AIG1: variants seen among roughly 807,000 people sequenced by gnomAD.
The protein encoded by AIG1 is androgen-induced gene 1 protein.
Under a neutral mutation model 31.4 loss-of-function variants are expected in AIG1, and 23 were observed. The observed-to-expected ratio is 0.73, with a 90% CI of 0.53 to 1.04. The LOEUF (loss-of-function observed/expected upper bound fraction) is 1.04. Ranked by LOEUF, AIG1 falls within the 50% of genes least tolerant of loss-of-function variation. The pLI, the probability that AIG1 is intolerant of heterozygous loss-of-function variation, is 0.00. For synonymous variants in AIG1, 100 were observed against 110.5 expected, an observed-to-expected ratio of 0.90 and a Z score of 0.60; for missense variants, 274 against 295.0, an observed-to-expected ratio of 0.93 and a Z score of 0.52.
At chr6:143,323,023 G>A (rs1776341768) in intron 4 of AIG1, among the ~76,000 whole-genome samples, 1 of 152,062 alleles carries the variant, frequency 6.6e-6, no homozygotes, top group African/African-American at 2.4e-5. Flanking sequence ...CTCTAAGGTA[G>A]GCTGTATGGT....
chr6:143,343,435 C>T (rs958767257), downstream of AIG1: 5 of 477,682 alleles, frequency 1.0e-5, no homozygotes, highest in Non-Finnish European at 1.7e-5. Context: ...CGGAGAGCCC[C>T]AGGAGACATC....
intron 1 of AIG1, among the ~76,000 whole-genome samples, chr6:143,076,964 C>T (rs1341463987): frequency 6.6e-6 from 1 of 152,160 alleles, no homozygotes; most frequent in Non-Finnish European, 1.5e-5. Context: ...AGCGACCGTG[C>T]CCGGCCTTGA....
rs1437626814 is a variant in AIG1 at position 143,293,411 on chromosome 6, T to C, written c.515+9186T>C. On this transcript the variant is annotated intron_variant, in intron 4 of 5. Coordinates refer to ENST00000357847, the MANE Select transcript of AIG1 (RefSeq NM_016108.4). The surrounding 1 kb of genome is among the most constrained non-coding windows in gnomAD (Gnocchi z 4.8). ...ATTCGAGAATGTCATTGCTTTCCCATTATTCCAATCTGCGTATTTTTACAA... is the reference window on the plus strand; with the variant it reads ...ATTCGAGAATGTCATTGCTTTCCCACTATTCCAATCTGCGTATTTTTACAA... 2.0e-5 allele frequency among the ~76,000 whole-genome samples: 3 copies of C among 152,200 alleles called. No homozygotes were observed. Among genetic ancestry groups the C allele is most frequent in the African/African-American group, 7.2e-5 (3 of 41,446 alleles).
intron 1 of AIG1, among the ~76,000 whole-genome samples, chr6:143,116,747 G>A (rs1252585608): frequency 6.6e-6 from 1 of 150,864 alleles, no homozygotes; most frequent in Admixed American, 6.6e-5. Context: ...GTGGTGGGAT[G>A]GACAGGAGAA....
intron 3 of AIG1, chr6:143,187,884 T>C (rs1237423670): frequency 1.4e-6 from 2 of 1,388,476 alleles, no homozygotes; most frequent in African/African-American, 1.5e-5. Context: ...TTGTCAAAAA[T>C]TACCCCTTAA....
At chr6:143,220,315 G>A (rs1414807021) in intron 3 of AIG1, among the ~76,000 whole-genome samples, 5 of 152,084 alleles carry the variant, frequency 3.3e-5, no homozygotes. Context: ...TTATATTTAT[G>A]TTTACTTGAA....
At chr6:143,108,300 G>A (rs1780976275) in intron 1 of AIG1, among the ~76,000 whole-genome samples, 1 of 152,038 alleles carries the variant, frequency 6.6e-6, no homozygotes, top group Admixed American at 6.6e-5. Context: ...TTTCTTACTT[G>A]CAACATAGCA....
intron 3 of AIG1, among the ~76,000 whole-genome samples, chr6:143,213,207 A>G (rs931104205): frequency 6.6e-6 from 1 of 152,208 alleles, no homozygotes. Flanking sequence ...GTGTTTAGTT[A>G]CATTGTTGCT....
chr6:143,253,440 G>C (rs1795154308), intron 3 of AIG1, among the ~76,000 whole-genome samples: 1 of 152,094 alleles, frequency 6.6e-6, no homozygotes, highest in Non-Finnish European at 1.5e-5. Context: ...GTGAAAAATG[G>C]TTTCCAAATT....
downstream of AIG1, chr6:143,342,635 A>G: frequency 8.7e-7 from 1 of 1,147,626 alleles, no homozygotes; most frequent in Non-Finnish European, 1.3e-6. Flanking sequence ...AGGGGTCCAG[A>G]GTTATTTTGA....
At chr6:143,171,513 A>T (rs1473902500) in intron 3 of AIG1, among the ~76,000 whole-genome samples, 1 of 128,760 alleles carries the variant, frequency 7.8e-6, no homozygotes, top group Non-Finnish European at 1.6e-5. Flanking sequence ...TTTAATATAT[A>T]TAATATATAT....
At chr6:143,139,260 AG>A (rs1784044108) in intron 2 of AIG1, among the ~76,000 whole-genome samples, 1 of 152,120 alleles carries the variant, frequency 6.6e-6, no homozygotes, top group Non-Finnish European at 1.5e-5. Flanking sequence ...CCTATGTTTT[AG>A]AAAAAAGAGG....
intron 4 of AIG1, among the ~76,000 whole-genome samples, chr6:143,301,869 G>A (rs775636726): frequency 6.6e-6 from 1 of 152,170 alleles, no homozygotes; most frequent in Non-Finnish European, 1.5e-5. Flanking sequence ...TATTGATAGT[G>A]CTAGTAGAGT....
intron 4 of AIG1, among the ~76,000 whole-genome samples, chr6:143,314,184 TAAAAAAAAAA>T (rs35691634): frequency 5.5e-5 from 5 of 90,614 alleles, no homozygotes; most frequent in African/African-American, 2.5e-4. Context: ...ACCCATCTCT[TAAAAAAAAAA>T]AAAAAAAAAA....
At chr6:143,218,223 T>C (rs1792186319) in intron 3 of AIG1, among the ~76,000 whole-genome samples, 2 of 152,218 alleles carry the variant, frequency 1.3e-5, no homozygotes, top group African/African-American at 4.8e-5. Flanking sequence ...ATCTTTACTC[T>C]CGTTTGAAGA....
intron 2 of AIG1, 137 bp from the exon 3 acceptor site, chr6:143,164,945 T>A (rs1328689018): frequency 3.2e-6 from 2 of 632,456 alleles, no homozygotes; most frequent in East Asian, 2.8e-5. Flanking sequence ...GTGTTTCCAA[T>A]CATTAGCTGG....
intron 3 of AIG1, among the ~76,000 whole-genome samples, chr6:143,260,017 C>CTTTTTTTTTTTTTT (rs35620148): frequency 2.3e-5 from 2 of 85,118 alleles, no homozygotes; most frequent in African/African-American, 4.6e-5. Flanking sequence ...TCTTGTGCTT[C>CTTTTTTTTTTTTTT]TTTTTTTTTT....
chr6:143,078,492 A>G (rs1387594733), intron 1 of AIG1, among the ~76,000 whole-genome samples: 1 of 152,218 alleles, frequency 6.6e-6, no homozygotes, highest in Non-Finnish European at 1.5e-5. Flanking sequence ...CTGCTGATAA[A>G]GACATATTCG....
At chr6:143,156,875 G>A (rs891240379) in intron 2 of AIG1, among the ~76,000 whole-genome samples, 26 of 152,198 alleles carry the variant, frequency 1.7e-4, no homozygotes, top group Admixed American at 1.3e-4. Flanking sequence ...ATGACCTTGG[G>A]CTAGTCCATT....
Sources: allele counts gnomAD v4.1 joint callset (sites outside exome capture counted in the v4.1 genomes callset), GRCh38; gene constraint gnomAD v4.1.1; non-coding constraint Gnocchi (gnomAD v3.1); transcripts MANE v1.5; gene names NCBI Gene and HGNC (gene_info 2026-07-23, HGNC 2026-07-21).